The following TP53BP1 variants were observed in gnomAD, a reference collection of about 807,000 sequenced individuals.
TP53BP1 encodes the protein tumor protein p53 binding protein 1.
In TP53BP1, 61 loss-of-function variants were observed where a neutral mutation model predicts 200.8. The observed-to-expected ratio is 0.30, with a 90% CI of 0.25 to 0.38. The LOEUF (loss-of-function observed/expected upper bound fraction) is 0.38, where lower values mean the gene tolerates loss of function less well. TP53BP1 is among the 10% of genes least tolerant of loss of function. The pLI, the probability that TP53BP1 is intolerant of heterozygous loss-of-function variation, is 1.00. For synonymous variants in TP53BP1, 822 were observed against 844.3 expected, an observed-to-expected ratio of 0.97 and a Z score of 0.46; for missense variants, 2,144 against 2,371.9, an observed-to-expected ratio of 0.90 and a Z score of 2.00.
chr15:43,429,247 G>C (rs1290770513), intron 17 of TP53BP1, among the ~76,000 whole-genome samples: 1 of 152,128 alleles, frequency 6.6e-6, no homozygotes, highest in Non-Finnish European at 1.5e-5. Context: ...TAGTTAGTTT[G>C]AGACTTTCGG....
chr15:43,409,173 TG>T, intron 25 of TP53BP1, 77 bp from the exon 26 acceptor site: 1 of 1,392,104 alleles, frequency 7.2e-7, no homozygotes, highest in Non-Finnish European at 1.0e-6. Flanking sequence ...TAATGAGCCA[TG>T]AAGAGCAGAT....
rs201763844 is a variant in TP53BP1, at chr15:43,484,756, G to T, written c.372-3734C>A. On this transcript the variant is annotated intron_variant, in intron 4 of 27. Transcript: ENST00000382044. ...GCAAATACACACTTACTTGTTTTTT[G>T]TTTTTTTTTTTTAAGATATGGTCTC... 7.0e-3 allele frequency among the ~76,000 whole-genome samples: 1,021 copies of T among 145,022 alleles called. 14 individuals are homozygous for T. The highest frequency in any genetic ancestry group is 0.024 in the African/African-American group (961 of 40,052).
intron 11 of TP53BP1, among the ~76,000 whole-genome samples, chr15:43,458,663 C>T (rs558104860): frequency 1.0e-3 from 159 of 152,018 alleles, no homozygotes; most frequent in African/African-American, 3.6e-3. Context: ...CCCTACAGTC[C>T]CAGCTACTCG....
Position 43,404,687 on chromosome 15 carries a change from ACC to A in TP53BP1, c.*2694_*2695del. 1 of 918,054 alleles carries A rather than the reference ACC, an allele frequency of 1.1e-6. No homozygotes were observed. The highest frequency in any genetic ancestry group is 1.6e-6 in the Non-Finnish European group (1 of 621,510). The allele number at this position is 918,054 out of a possible 1,614,324, so 56.9% of individuals were successfully genotyped here. The stretch of plus-strand genomic sequence containing the variant: ...AGTAAGGCTTAGAGATAGAGGTGTG[ACC>A]ATCTTTAATAATTTTAATGGAGGTT... On this transcript the variant is annotated 3_prime_UTR_variant, in exon 28 of 28. Coordinates refer to ENST00000382044, the MANE Select transcript of TP53BP1 (RefSeq NM_001141980.3).
chr15:43,485,570 C>A (rs1216939477), intron 4 of TP53BP1, among the ~76,000 whole-genome samples: 2 of 598 alleles, frequency 3.3e-3, no homozygotes, highest in Non-Finnish European at 0.048. Flanking sequence ...GAGCGAGACG[C>A]CGTCTCAAAA....
At chr15:43,418,052 C>G (rs1249066998) in intron 21 of TP53BP1, among the ~76,000 whole-genome samples, 1 of 151,986 alleles carries the variant, frequency 6.6e-6, no homozygotes, top group Non-Finnish European at 1.5e-5. Context: ...TTGTGGCATG[C>G]ACCTGTAATC....
intron 16 of TP53BP1, among the ~76,000 whole-genome samples, chr15:43,435,267 C>CAAAAAAAAAA (rs377275791): frequency 1.8e-5 from 1 of 55,684 alleles, no homozygotes; most frequent in East Asian, 6.3e-4. Flanking sequence ...GACCCCATCT[C>CAAAAAAAAAA]AAAAAAAAAA....
Position 43,403,555 on chromosome 15 carries a change from C to T in TP53BP1, c.*3828G>A, listed in dbSNP as rs546775365. ...TGGCAGGCCTTGCACGTGGCAGTGTCTATCCTGTCAGATTTGGGAGGTCAG... is the reference window on the plus strand; with the variant it reads ...TGGCAGGCCTTGCACGTGGCAGTGTTTATCCTGTCAGATTTGGGAGGTCAG... On this transcript the variant is annotated 3_prime_UTR_variant, in exon 28 of 28. Transcript: ENST00000382044. 7.1e-6 allele frequency: 5 copies of T among 705,600 alleles called. No homozygotes were observed. Among genetic ancestry groups the T allele is most frequent in the African/African-American group, 7.1e-5 (4 of 56,622 alleles). 43.7% of individuals were successfully genotyped at this position (705,600 alleles called of 1,614,324 possible). A position where few individuals can be genotyped will look rare whatever the true frequency, so the allele number is the denominator to read the frequency against.
At chr15:43,411,435 G>A (rs935953539) in intron 24 of TP53BP1, among the ~76,000 whole-genome samples, 3 of 152,226 alleles carry the variant, frequency 2.0e-5, no homozygotes, top group African/African-American at 7.2e-5. Context: ...CTCATAAGAT[G>A]AATTTAAATA....
chr15:43,426,064 CA>C (rs34837192), intron 18 of TP53BP1, among the ~76,000 whole-genome samples: 41 of 96,612 alleles, frequency 4.2e-4, no homozygotes, highest in South Asian at 1.3e-3. Context: ...GACTCCGTCT[CA>C]AAAAAAAAAA....
intron 17 of TP53BP1, among the ~76,000 whole-genome samples, chr15:43,428,454 C>A (rs544701052): frequency 2.3e-4 from 35 of 152,202 alleles, no homozygotes; most frequent in Middle Eastern, 3.4e-3. Context: ...TTTAGGTGAA[C>A]CTTTGACCCC....
chr15:43,446,690 G>A (rs564611347), intron 13 of TP53BP1, 100 bp from the exon 14 acceptor site: 9 of 1,552,586 alleles, frequency 5.8e-6, no homozygotes, highest in Non-Finnish European at 7.8e-6. Flanking sequence ...TGGCTCCACA[G>A]CTCTGCAGGA....
chr15:43,425,350 C>T (rs1013197598), intron 18 of TP53BP1, among the ~76,000 whole-genome samples: 6 of 152,224 alleles, frequency 3.9e-5, no homozygotes, highest in Non-Finnish European at 7.3e-5. Flanking sequence ...CCTAGCAGCA[C>T]AGTAGCTCAT....
intron 11 of TP53BP1, among the ~76,000 whole-genome samples, chr15:43,464,334 A>G (rs1325970065): frequency 6.6e-6 from 1 of 152,248 alleles, no homozygotes; most frequent in Non-Finnish European, 1.5e-5. Flanking sequence ...GAGAAATGGT[A>G]TTTAAAAATA....
At chr15:43,436,201 G>A (rs1032013442) in intron 16 of TP53BP1, among the ~76,000 whole-genome samples, 2 of 152,020 alleles carry the variant, frequency 1.3e-5, no homozygotes, top group African/African-American at 4.8e-5. Flanking sequence ...ATGATGCCCA[G>A]GCTGGTCTCC....
intron 16 of TP53BP1, among the ~76,000 whole-genome samples, chr15:43,434,493 T>C (rs1294896355): frequency 6.6e-6 from 1 of 152,186 alleles, no homozygotes; most frequent in Non-Finnish European, 1.5e-5. Flanking sequence ...ACAGACTAAA[T>C]GTCTATGTCC....
At chr15:43,467,730 A>C (rs973503644) in intron 11 of TP53BP1, among the ~76,000 whole-genome samples, 9 of 151,988 alleles carry the variant, frequency 5.9e-5, no homozygotes, top group Non-Finnish European at 1.2e-4. Flanking sequence ...TCTTTAAATC[A>C]GTGTTGGAAG....
intron 11 of TP53BP1, among the ~76,000 whole-genome samples, chr15:43,459,929 A>G (rs1005284524): frequency 2.0e-5 from 3 of 152,182 alleles, no homozygotes; most frequent in Non-Finnish European, 4.4e-5. Context: ...CTGATGTGTG[A>G]TTGCCTAGGG....
intron 14 of TP53BP1, among the ~76,000 whole-genome samples, chr15:43,442,992 A>C (rs895236937): frequency 1.3e-5 from 2 of 150,632 alleles, no homozygotes; most frequent in African/African-American, 4.9e-5. Flanking sequence ...TGTCCGGCTA[A>C]TTTTTATATT....
Sources: allele counts gnomAD v4.1 joint callset (sites outside exome capture counted in the v4.1 genomes callset), GRCh38; gene constraint gnomAD v4.1.1; transcripts MANE v1.5; gene names NCBI Gene and HGNC (gene_info 2026-07-23, HGNC 2026-07-21).